CFI: variants seen among roughly 807,000 people sequenced by gnomAD.
CFI encodes complement factor I, also known as C3B/C4B inactivator.
Under a neutral mutation model 78.8 loss-of-function variants are expected in CFI, and 66 were observed. That is an observed-to-expected ratio of 0.84 (90% confidence interval 0.69 to 1.03). The LOEUF (loss-of-function observed/expected upper bound fraction) is 1.03. Ranked by LOEUF, CFI falls within the 50% of genes least tolerant of loss-of-function variation. The pLI, the probability that CFI is intolerant of heterozygous loss-of-function variation, is 0.00. For synonymous variants in CFI, 250 were observed against 232.6 expected, an observed-to-expected ratio of 1.07 and a Z score of -0.68; for missense variants, 706 against 704.5, an observed-to-expected ratio of 1.00 and a Z score of -0.02.
At position 109,761,597 on chromosome 4, in the gene CFI, A is replaced by G. The variant is rs1435946585; in HGVS notation, c.578T>C (p.Leu193Ser). Reference protein sequence around the residue: ...HVHCRGLETSLAECTFTKRRT... With the variant: ...HVHCRGLETSSAECTFTKRRT... Reference sequence around the variant, plus strand: ...TCTCTTAGTAAAAGTACATTCAGCCAAACTGGTCTCTAATCCTCGGCAATG... The same window carrying G: ...TCTCTTAGTAAAAGTACATTCAGCCGAACTGGTCTCTAATCCTCGGCAATG... Residue 193 changes from leucine (L) to serine (S), a missense_variant, in exon 4 of 13, where the codon TTG becomes TCG. Coordinates refer to ENST00000394634, the MANE Select transcript of CFI (RefSeq NM_000204.5). The G allele has an allele frequency of 6.2e-7, 1 of 1,614,064 alleles. No homozygotes were observed. Among genetic ancestry groups the G allele is most frequent in the Non-Finnish European group, 8.5e-7 (1 of 1,179,916 alleles).
intron 1 of CFI, among the ~76,000 whole-genome samples, chr4:109,785,053 C>A (rs1177153965): frequency 6.6e-6 from 1 of 152,086 alleles, no homozygotes; most frequent in Non-Finnish European, 1.5e-5. Flanking sequence ...TCTCCCCACC[C>A]TTGAGAATGT....
At chr4:109,769,069 G>A (rs1411470908) in intron 1 of CFI, among the ~76,000 whole-genome samples, 1 of 152,158 alleles carries the variant, frequency 6.6e-6, no homozygotes, top group Non-Finnish European at 1.5e-5. Context: ...CCACTGACCA[G>A]CTTGCAAGTG....
At chr4:109,768,278 CA>C (rs59449659) in intron 1 of CFI, among the ~76,000 whole-genome samples, 4,305 of 87,076 alleles carry the variant, frequency 0.049, 236 homozygotes, top group African/African-American at 0.16. Context: ...ACTTAAAGTA[CA>C]AAAAAAAAAA....
intron 12 of CFI, among the ~76,000 whole-genome samples, chr4:109,741,629 T>A (rs943049073): frequency 2.0e-5 from 3 of 152,226 alleles, no homozygotes; most frequent in Non-Finnish European, 2.9e-5. Flanking sequence ...GAGCTTGTCC[T>A]CTTGACCATG....
intron 7 of CFI, among the ~76,000 whole-genome samples, chr4:109,756,982 T>C (rs1478308204): frequency 7.4e-6 from 1 of 135,116 alleles, no homozygotes; most frequent in Non-Finnish European, 1.6e-5. Context: ...AGAAAGAAAT[T>C]CTGAGGAGGA....
intron 1 of CFI, among the ~76,000 whole-genome samples, chr4:109,771,583 G>GACA (rs1728600384): frequency 2.6e-5 from 4 of 151,136 alleles, no homozygotes; most frequent in African/African-American, 9.7e-5. Flanking sequence ...GCGTAGTGGT[G>GACA]TGTGCCTGTA....
At chr4:109,791,740 C>G (rs143483682) in intron 1 of CFI, among the ~76,000 whole-genome samples, 124 of 152,218 alleles carry the variant, frequency 8.1e-4, no homozygotes, top group African/African-American at 2.7e-3. Flanking sequence ...TGTAGAAGAT[C>G]AGATACTTGT....
intron 1 of CFI, among the ~76,000 whole-genome samples, chr4:109,788,122 A>C (rs1730973521): frequency 1.3e-5 from 2 of 152,110 alleles, no homozygotes; most frequent in African/African-American, 4.8e-5. Context: ...ATCAGCCCGC[A>C]AAGGGCAGTT....
Position 109,749,567 on chromosome 4 carries a change from A to G in CFI, c.976T>C (p.Ser326Pro), listed in dbSNP as rs754267987. 2.1e-5 allele frequency: 34 copies of G among 1,611,356 alleles called. No individual in the cohort carries two copies. The South Asian group carries it at 3.4e-4, about 16-fold the overall frequency. Residue 326 changes from serine (S) to proline (P), a missense_variant, in exon 9 of 13, where the codon TCT becomes CCT. Ser to Pro is a moderately conservative substitution (Grantham distance 74). Transcript: ENST00000394634. ...RRIKSLLPKL[S>P]CGVKNRMHIR... ...TGCATTCTGTTTTTAACTCCACAAG[A>G]TAGTTTAGGTAATAATGATTTTATC...
chr4:109,777,287 A>G (rs1729378973), intron 1 of CFI, among the ~76,000 whole-genome samples: 1 of 152,226 alleles, frequency 6.6e-6, no homozygotes, highest in Non-Finnish European at 1.5e-5. Context: ...AGATCTACCA[A>G]GAAAATGGAA....
intron 8 of CFI, among the ~76,000 whole-genome samples, 186 bp from the exon 9 acceptor site, chr4:109,749,788 TATTAAAATTGGCTTG>T (rs1190022757): frequency 2.0e-5 from 3 of 152,178 alleles, no homozygotes; most frequent in Non-Finnish European, 2.9e-5. Flanking sequence ...TCTGGCTTGA[TATTAAAATTGGCTTG>T]ATTCTCTGAA....
chr4:109,741,386 A>C, intron 12 of CFI: 1 of 983,626 alleles, frequency 1.0e-6, no homozygotes, highest in Non-Finnish European at 1.2e-6. Context: ...TTGCAACCTG[A>C]AAGTTGCATC....
intron 1 of CFI, among the ~76,000 whole-genome samples, chr4:109,768,531 A>G (rs913466355): frequency 6.6e-6 from 1 of 152,184 alleles, no homozygotes; most frequent in African/African-American, 2.4e-5. Context: ...TACTAGGCAT[A>G]AAATTAATGA....
rs139881195 is a variant in CFI at position 109,746,444 on chromosome 4, C to T, written c.1207G>A (p.Asp403Asn). The T allele has an allele frequency of 3.2e-5, 51 of 1,613,336 alleles. No homozygotes were observed. The highest frequency in any genetic ancestry group is 3.7e-5 in the Non-Finnish European group (44 of 1,179,770). ...TATTCAATTACTATACGTTTAAGGT[C>T]GGGGTGTATCCAGTCTACTACTGTT... ...WTTVVDWIHP[D>N]LKRIVIEYVD... is the part of the protein sequence containing the mutation. Residue 403 changes from aspartate to asparagine, a missense_variant, in exon 11 of 13, where the codon GAC becomes AAC. Physicochemically the swap from Asp to Asn is conservative, Grantham distance 23. Transcript: ENST00000394634.
intron 2 of CFI, 91 bp from the exon 3 acceptor site, chr4:109,764,781 G>C (rs1727528218): frequency 8.4e-7 from 1 of 1,185,056 alleles, no homozygotes. Flanking sequence ...TGTACTTAAT[G>C]TCAAGTGAGC....
At chr4:109,793,173 G>A (rs952009540) in intron 1 of CFI, among the ~76,000 whole-genome samples, 2 of 151,984 alleles carry the variant, frequency 1.3e-5, no homozygotes, top group African/African-American at 4.8e-5. Flanking sequence ...ACAATTAATA[G>A]TGATTAAATT....
chr4:109,755,096 T>C (rs1725963878), intron 7 of CFI, among the ~76,000 whole-genome samples: 1 of 151,854 alleles, frequency 6.6e-6, no homozygotes, highest in Admixed American at 6.6e-5. Flanking sequence ...AAGATTACAA[T>C]GAAAGAAATA....
At chr4:109,788,873 G>C (rs1388893440) in intron 1 of CFI, among the ~76,000 whole-genome samples, 1 of 151,944 alleles carries the variant, frequency 6.6e-6, no homozygotes, top group African/African-American at 2.4e-5. Flanking sequence ...AGGCATCAGA[G>C]AAGTCATAAA....
chr4:109,785,658 G>A (rs1489250096), intron 1 of CFI, among the ~76,000 whole-genome samples: 1 of 151,870 alleles, frequency 6.6e-6, no homozygotes, highest in Non-Finnish European at 1.5e-5. Context: ...TAGGCTTTGT[G>A]TCCCCACCCA....
Sources: allele counts gnomAD v4.1 joint callset (sites outside exome capture counted in the v4.1 genomes callset), GRCh38; gene constraint gnomAD v4.1.1; transcripts MANE v1.5; gene names NCBI Gene and HGNC (gene_info 2026-07-23, HGNC 2026-07-21).